ZNG1A: variants seen among roughly 807,000 people sequenced by gnomAD.
ZNG1A encodes zinc-regulated GTPase metalloprotein activator 1A.
the ZNG1A span, chr9:122,560 T>C: frequency 2.9e-6 from 3 of 1,032,850 alleles, no homozygotes; most frequent in South Asian, 6.8e-5. Flanking sequence ...GAAAAACTAT[T>C]ATATTTATCT....
chr9:122,698 C>T, the ZNG1A span: 2 of 896,374 alleles, frequency 2.2e-6, no homozygotes, highest in East Asian at 1.1e-4. Flanking sequence ...TTTGTGCACA[C>T]TTGTGAACAC....
At chr9:178,213 T>A in the ZNG1A span, among the ~76,000 whole-genome samples, 1 of 150,230 alleles carries the variant, frequency 6.7e-6, no homozygotes, top group Non-Finnish European at 1.5e-5. Context: ...CCCTGTACAC[T>A]CTAAACGTTC....
chr9:124,823 G>A, the ZNG1A span, among the ~76,000 whole-genome samples: 1 of 144,094 alleles, frequency 6.9e-6, no homozygotes, highest in African/African-American at 2.6e-5. Context: ...TTCCATTCCT[G>A]AGTTCTTTCA....
the ZNG1A span, among the ~76,000 whole-genome samples, chr9:139,971 G>T: frequency 6.6e-6 from 1 of 150,514 alleles, no homozygotes; most frequent in Non-Finnish European, 1.5e-5. Context: ...AAAAAACGGC[G>T]CACCACGAGA....
the ZNG1A span, among the ~76,000 whole-genome samples, chr9:139,840 C>T: frequency 1.3e-5 from 2 of 150,818 alleles, no homozygotes; most frequent in Admixed American, 1.3e-4. Flanking sequence ...CGAGGCATTG[C>T]CTCACTTGGG....
At chr9:163,403 G>C in the ZNG1A span, among the ~76,000 whole-genome samples, 1 of 151,888 alleles carries the variant, frequency 6.6e-6, no homozygotes, top group East Asian at 1.9e-4. Flanking sequence ...AGAGGATACA[G>C]AAAACCTACA....
the ZNG1A span, chr9:178,797 G>A: frequency 1.8e-6 from 2 of 1,121,966 alleles, 1 homozygote; most frequent in Admixed American, 4.2e-5. Context: ...GCCATTTTGT[G>A]ACTGGGATGG....
chr9:151,310 G>C, the ZNG1A span: 2 of 982,836 alleles, frequency 2.0e-6, no homozygotes, highest in Non-Finnish European at 2.4e-6. Context: ...CTCACCTAAG[G>C]CCTCTGCTGT....
the ZNG1A span, among the ~76,000 whole-genome samples, chr9:140,653 C>CGCAGCGCCTCTCCTCCTCCAAAGGAAA: frequency 6.6e-6 from 1 of 151,966 alleles, no homozygotes; most frequent in African/African-American, 2.4e-5. Flanking sequence ...TCCAAAGGAA[C>CGCAGCGCCTCTCCTCCTCCAAAGGAAA]GCAGCTCCTC....
At chr9:160,479 C>T in the ZNG1A span, among the ~76,000 whole-genome samples, 1 of 151,804 alleles carries the variant, frequency 6.6e-6, no homozygotes, top group African/African-American at 2.4e-5. Context: ...CTAAAGTTTC[C>T]ATTATCCTGA....
the ZNG1A span, among the ~76,000 whole-genome samples, chr9:163,542 T>C: frequency 6.6e-6 from 1 of 151,834 alleles, no homozygotes; most frequent in Non-Finnish European, 1.5e-5. Flanking sequence ...AACTAAAGTG[T>C]GAAAAGAACA....
the ZNG1A span, among the ~76,000 whole-genome samples, chr9:140,135 G>T: frequency 6.6e-6 from 1 of 151,066 alleles, no homozygotes; most frequent in Non-Finnish European, 1.5e-5. Flanking sequence ...AAGCAGCCGG[G>T]AAGCTCGAAC....
chr9:161,554 T>A, the ZNG1A span: 13 of 1,285,624 alleles, frequency 1.0e-5, no homozygotes, highest in Non-Finnish European at 1.3e-5. Flanking sequence ...AATTTAAACT[T>A]CCAAGAACTT....
the ZNG1A span, among the ~76,000 whole-genome samples, chr9:138,788 C>T: frequency 6.7e-6 from 1 of 149,002 alleles, no homozygotes; most frequent in Non-Finnish European, 1.5e-5. Flanking sequence ...CCTGTGGTCC[C>T]AGCTTCTTGG....
chr9:157,676 C>A, the ZNG1A span, among the ~76,000 whole-genome samples: 1 of 134,184 alleles, frequency 7.5e-6, no homozygotes, highest in East Asian at 1.9e-4. Context: ...GAACACACAC[C>A]CATCAAGTAA....
the ZNG1A span, among the ~76,000 whole-genome samples, chr9:152,675 T>C: frequency 1.3e-5 from 2 of 152,066 alleles, no homozygotes; most frequent in Admixed American, 1.3e-4. Context: ...TGGCTTCGTA[T>C]GGCACCAAAA....
At chr9:136,808 T>G in the ZNG1A span, among the ~76,000 whole-genome samples, 1 of 151,996 alleles carries the variant, frequency 6.6e-6, no homozygotes, top group East Asian at 1.9e-4. Context: ...AGAGGCCAAG[T>G]AGGAGAATCA....
At chr9:168,241 C>T in the ZNG1A span, among the ~76,000 whole-genome samples, 14 of 136,442 alleles carry the variant, frequency 1.0e-4, no homozygotes, top group African/African-American at 2.6e-4. Flanking sequence ...AAGCAACAGA[C>T]TTATTTTTTA....
chr9:141,332 C>G, the ZNG1A span, among the ~76,000 whole-genome samples: 2 of 144,206 alleles, frequency 1.4e-5, no homozygotes, highest in African/African-American at 5.3e-5. Flanking sequence ...ATCAGACTAA[C>G]AGCGGATCTC....
Sources: gnomAD v4.1 joint callset for allele counts (sites outside exome capture counted in the v4.1 genomes callset) on GRCh38, gnomAD v4.1.1 for gene constraint, MANE v1.5 for transcripts, NCBI Gene and HGNC (gene_info 2026-07-23, HGNC 2026-07-21) for gene names.